The following ITPR1 variants were observed in gnomAD, a reference collection of about 807,000 sequenced individuals.
ITPR1 encodes the protein inositol 1,4,5-trisphosphate receptor type 1.
In ITPR1, 96 loss-of-function variants were observed where a neutral mutation model predicts 318.4. That is an observed-to-expected ratio of 0.30 (90% CI 0.26 to 0.36). ITPR1 has a LOEUF of 0.36. ITPR1 is among the 10% of genes least tolerant of loss of function. The pLI is 1.00. For synonymous variants in ITPR1, 1,312 were observed against 1,289.9 expected, an observed-to-expected ratio of 1.02 and a Z score of -0.37; for missense variants, 2,440 against 3,460.2, an observed-to-expected ratio of 0.71 and a Z score of 7.40.
chr3:4,599,944 G>A (rs1262327579), intron 4 of ITPR1, among the ~76,000 whole-genome samples: 1 of 152,184 alleles, frequency 6.6e-6, no homozygotes, highest in African/African-American at 2.4e-5. Context: ...TCTCCCAGAA[G>A]TCTCCTCCTG....
intron 4 of ITPR1, among the ~76,000 whole-genome samples, chr3:4,568,413 G>C (rs75837807): frequency 0.047 from 7,110 of 152,288 alleles, 229 homozygotes; most frequent in Middle Eastern, 0.082. Flanking sequence ...GGGATCCCAA[G>C]TTGGGTTAAG....
At chr3:4,638,113 G>A (rs955975677) in intron 5 of ITPR1, among the ~76,000 whole-genome samples, 13 of 152,232 alleles carry the variant, frequency 8.5e-5, no homozygotes, top group Admixed American at 3.9e-4. Flanking sequence ...CCAAGACCAC[G>A]TCCAGAAGAC....
At chr3:4,512,343 C>T (rs969902153) in intron 2 of ITPR1, among the ~76,000 whole-genome samples, 1 of 152,182 alleles carries the variant, frequency 6.6e-6, no homozygotes, top group African/African-American at 2.4e-5. Flanking sequence ...ATAGGCAGCG[C>T]GATGGGGAGA....
intron 4 of ITPR1, among the ~76,000 whole-genome samples, chr3:4,613,730 C>T (rs911018989): frequency 1.3e-5 from 2 of 152,184 alleles, no homozygotes; most frequent in African/African-American, 4.8e-5. Flanking sequence ...TTTCCATTAT[C>T]AGCAGGATCA....
At chr3:4,578,516 T>G (rs184388256) in intron 4 of ITPR1, among the ~76,000 whole-genome samples, 1 of 152,130 alleles carries the variant, frequency 6.6e-6, no homozygotes, top group Non-Finnish European at 1.5e-5. Context: ...ATATATATAG[T>G]GTGTGTGCCA....
chr3:4,843,851 C>G (rs2051554725), intron 61 of ITPR1, among the ~76,000 whole-genome samples: 1 of 152,152 alleles, frequency 6.6e-6, no homozygotes. Flanking sequence ...ACTGAAGACT[C>G]CTTTGTTGTA....
intron 56 of ITPR1, among the ~76,000 whole-genome samples, chr3:4,812,401 C>A (rs1446393765): frequency 6.6e-6 from 1 of 152,132 alleles, no homozygotes; most frequent in Non-Finnish European, 1.5e-5. Context: ...ACTGTACCTC[C>A]AGACTGCTAG....
intron 4 of ITPR1, among the ~76,000 whole-genome samples, chr3:4,607,738 C>G (rs867855019): frequency 1.4e-4 from 21 of 151,966 alleles, no homozygotes; most frequent in South Asian, 4.1e-4. Context: ...TGAGTTGCTT[C>G]TGGGTTGGGC....
intron 4 of ITPR1, among the ~76,000 whole-genome samples, chr3:4,575,994 TG>T (rs1462578621): frequency 3.4e-5 from 5 of 147,952 alleles, no homozygotes; most frequent in African/African-American, 1.3e-4. Context: ...CACTCCAGCC[TG>T]GGTGGCAGAC....
chr3:4,806,156 C>G lies in ITPR1; in HGVS notation c.7161C>G (p.Phe2387Leu). The G allele has an allele frequency of 6.2e-7, 1 of 1,613,850 alleles. No homozygotes were observed. The highest frequency in any genetic ancestry group is 8.5e-7 in the Non-Finnish European group (1 of 1,179,718). The change falls in exon 55 of 62, where the codon TTC (phenylalanine) becomes TTG (leucine). Residue 2387 changes from phenylalanine to leucine, a missense_variant. Transcript: ENST00000649015. ...LMSFVGNCGTFTRGYRAMVLD... is the reference protein window; with the variant it reads ...LMSFVGNCGTLTRGYRAMVLD... ...GCTTTGTGGGCAACTGTGGGACATT[C>G]ACAAGAGGCTACCGAGCCATGGTTC... is the stretch of plus-strand genomic sequence containing the variant.
rs182863874 is a variant in ITPR1 at position 4,724,114 on chromosome 3, C to T, written c.5137-1432C>T. On this transcript the variant is annotated intron_variant, in intron 40 of 61. Transcript: ENST00000649015. The stretch of plus-strand genomic sequence containing the variant: ...CCACCAGCACTGTCCCTCCCCACCC[C>T]GAGCAGGAGGCTGCATGCTTCAGAG... 2.1e-3 allele frequency among the ~76,000 whole-genome samples: 318 copies of T among 152,290 alleles called. 1 individual carries two copies. The highest frequency in any genetic ancestry group is 7.2e-3 in the African/African-American group (298 of 41,546).
chr3:4,696,570 C>G (rs1050536275), intron 33 of ITPR1, among the ~76,000 whole-genome samples: 4 of 151,966 alleles, frequency 2.6e-5, no homozygotes, highest in African/African-American at 4.8e-5. Flanking sequence ...CTACTGTGCA[C>G]ACTTGTATAC....
rs139227357 is a variant in ITPR1 at position 4,545,015 on chromosome 3, C to T, written c.163+23921C>T. Among the ~76,000 whole-genome samples the T allele has an allele frequency of 7.2e-4, 110 of 152,116 alleles. 1 individual carries two copies. The highest frequency in any genetic ancestry group is 2.4e-3 in the African/African-American group (99 of 41,478). On this transcript the variant is annotated intron_variant, in intron 4 of 61. Transcript: ENST00000649015. Reference sequence around the variant, plus strand: ...CTCCCTATGTTGCCCAAGCTGGTCTCGAACTCCTGGGCTCTAGCAATCCTT... The same window carrying T: ...CTCCCTATGTTGCCCAAGCTGGTCTTGAACTCCTGGGCTCTAGCAATCCTT...
At chr3:4,588,912 A>G (rs1369401232) in intron 4 of ITPR1, among the ~76,000 whole-genome samples, 1 of 152,130 alleles carries the variant, frequency 6.6e-6, no homozygotes, top group Non-Finnish European at 1.5e-5. Flanking sequence ...GCCTTCAGTT[A>G]TAGTCCCAAT....
At chr3:4,770,669 A>G (rs1011974275) in intron 46 of ITPR1, among the ~76,000 whole-genome samples, 7 of 152,134 alleles carry the variant, frequency 4.6e-5, no homozygotes, top group African/African-American at 1.7e-4. Context: ...GATCTCAGCC[A>G]TCGGTTTCCT....
chr3:4,703,537 C>G (rs2125267837), intron 36 of ITPR1, among the ~76,000 whole-genome samples: 1 of 152,290 alleles, frequency 6.6e-6, no homozygotes, highest in Admixed American at 6.5e-5. Flanking sequence ...TCCCCACCCC[C>G]TATTAATGTT....
intron 61 of ITPR1, among the ~76,000 whole-genome samples, chr3:4,844,005 C>T (rs1691669054): frequency 6.6e-6 from 1 of 151,974 alleles, no homozygotes; most frequent in African/African-American, 2.4e-5. Context: ...AGCAAAATTA[C>T]AGGGGAAAAA....
At chr3:4,551,469 T>G (rs1177074827) in intron 4 of ITPR1, among the ~76,000 whole-genome samples, 2 of 152,222 alleles carry the variant, frequency 1.3e-5, no homozygotes, top group Non-Finnish European at 2.9e-5. Context: ...TTCTAATCTC[T>G]CAGCGTTGCC....
At chr3:4,807,424 T>C (rs1314329545) in intron 55 of ITPR1, among the ~76,000 whole-genome samples, 2 of 152,214 alleles carry the variant, frequency 1.3e-5, no homozygotes, top group East Asian at 1.9e-4. Context: ...CGTACTTGAC[T>C]GCCTTGTGCC....
Sources: gnomAD v4.1 joint callset for allele counts (sites outside exome capture counted in the v4.1 genomes callset) on GRCh38, gnomAD v4.1.1 for gene constraint, MANE v1.5 for transcripts, NCBI Gene and HGNC (gene_info 2026-07-23, HGNC 2026-07-21) for gene names.